The following THSD7B variants were observed in gnomAD, a reference collection of about 807,000 sequenced individuals.
THSD7B encodes the protein thrombospondin type 1 domain containing 7B.
Under a neutral mutation model 213.6 loss-of-function variants are expected in THSD7B, and 138 were observed. That is an observed-to-expected ratio of 0.65 (90% CI 0.56 to 0.74). THSD7B has a LOEUF of 0.74. Among genes scored for constraint, THSD7B ranks in the 30% least tolerant of loss-of-function variants. THSD7B has a pLI of 0.00. For missense variants in THSD7B, 1,931 were observed against 1,991.5 expected (o/e 0.97, Z 0.58); for synonymous variants, 742 against 687.0 (o/e 1.08, Z -1.25).
At chr2:136,844,492 G>GAGAC (rs1682970585) in intron 1 of THSD7B, among the ~76,000 whole-genome samples, 1 of 141,470 alleles carries the variant, frequency 7.1e-6, no homozygotes, top group Non-Finnish European at 1.5e-5. Context: ...GAGAGAGAGA[G>GAGAC]AGACAGAGAG....
intron 15 of THSD7B, among the ~76,000 whole-genome samples, chr2:137,534,616 G>A (rs1053663163): frequency 6.6e-6 from 1 of 151,590 alleles, no homozygotes; most frequent in African/African-American, 2.4e-5. Context: ...CTACAGGAAA[G>A]TTTTATGTAC....
At position 137,593,273 on chromosome 2, in the gene THSD7B, T is replaced by C. The variant is rs142342318; in HGVS notation, c.3423+20717T>C. 8.5e-5 allele frequency among the ~76,000 whole-genome samples: 13 copies of C among 152,066 alleles called. No individual in the cohort carries two copies. The East Asian group carries it at 2.5e-3, about 29-fold the overall frequency. ...TGTGAATATCTGCACCCATTTCTCT[T>C]AAGCACATATTTAGGAGTAGAATAG... On this transcript the variant is annotated intron_variant, in intron 17 of 27. Transcript: ENST00000409968.
chr2:137,015,768 T>C (rs773859612), intron 2 of THSD7B, among the ~76,000 whole-genome samples: 6 of 152,126 alleles, frequency 3.9e-5, no homozygotes, highest in African/African-American at 7.2e-5. Flanking sequence ...ATCGCCTGCT[T>C]TTCTGGCTAC....
chr2:137,448,613 C>T (rs1396240453), intron 14 of THSD7B, among the ~76,000 whole-genome samples: 1 of 152,066 alleles, frequency 6.6e-6, no homozygotes, highest in Non-Finnish European at 1.5e-5. Context: ...ATTGACACCA[C>T]GGTGAAACCC....
chr2:136,799,143 C>T (rs929873150), intron 1 of THSD7B, among the ~76,000 whole-genome samples: 5 of 151,962 alleles, frequency 3.3e-5, no homozygotes, highest in African/African-American at 9.7e-5. Flanking sequence ...TGTAACACTT[C>T]TTTGTTAGTT....
At chr2:137,356,652 G>A (rs769643730) in intron 12 of THSD7B, among the ~76,000 whole-genome samples, 3 of 152,118 alleles carry the variant, frequency 2.0e-5, no homozygotes, top group African/African-American at 4.8e-5. Context: ...CTCTTGGGAG[G>A]CTGACCCCAC....
In THSD7B at chr2:137,266,588, T is replaced by C. The variant is rs138522202; in HGVS notation, c.2267-5945T>C. Among the ~76,000 whole-genome samples the C allele has an allele frequency of 1.7e-3, 259 of 152,320 alleles. 1 individual carries two copies. The highest frequency in any genetic ancestry group is 6.1e-3 in the African/African-American group (253 of 41,572). On this transcript the variant is annotated intron_variant, in intron 10 of 27. Transcript: ENST00000409968. ...GCTGTGAAGCATAATAGACCACTGA[T>C]GTTTAATGGGTAATAGGAATATTTG...
intron 2 of THSD7B, among the ~76,000 whole-genome samples, chr2:137,011,990 G>A (rs1214592756): frequency 6.6e-6 from 1 of 151,932 alleles, no homozygotes; most frequent in African/African-American, 2.4e-5. Context: ...AAAAATACGT[G>A]GAATAAGGAC....
chr2:137,281,266 A>G (rs1267042258), intron 12 of THSD7B, among the ~76,000 whole-genome samples: 2 of 151,754 alleles, frequency 1.3e-5, no homozygotes, highest in Non-Finnish European at 2.9e-5. Context: ...CATTCAAGGA[A>G]CCCCTTTAAA....
intron 7 of THSD7B, among the ~76,000 whole-genome samples, chr2:137,210,519 C>A (rs975602358): frequency 6.6e-6 from 1 of 151,744 alleles, no homozygotes; most frequent in Non-Finnish European, 1.5e-5. Flanking sequence ...TTTTTCTTTT[C>A]TTTTCAAGTT....
At chr2:137,405,449 A>G (rs1487504424) in intron 12 of THSD7B, among the ~76,000 whole-genome samples, 164 bp from the exon 13 acceptor site, 4 of 152,194 alleles carry the variant, frequency 2.6e-5, no homozygotes, top group African/African-American at 9.7e-5. Context: ...AACAATAAAA[A>G]TTTAATTTCC....
At chr2:137,006,194 C>A (rs959016244) in intron 2 of THSD7B, among the ~76,000 whole-genome samples, 1 of 152,044 alleles carries the variant, frequency 6.6e-6, no homozygotes, top group Non-Finnish European at 1.5e-5. Context: ...GAGATTGAGA[C>A]CATCCTGGCT....
At chr2:137,017,445 G>T (rs1686362822) in intron 2 of THSD7B, among the ~76,000 whole-genome samples, 1 of 152,134 alleles carries the variant, frequency 6.6e-6, no homozygotes, top group Non-Finnish European at 1.5e-5. Flanking sequence ...CAGAGGAGAA[G>T]ATGGCTCAAG....
At chr2:136,892,767 A>C (rs1683885292) in intron 2 of THSD7B, among the ~76,000 whole-genome samples, 1 of 152,044 alleles carries the variant, frequency 6.6e-6, no homozygotes. Context: ...TTCAAGCCAC[A>C]AGCCTTGCCC....
chr2:137,657,656 C>T (rs1683262779), intron 24 of THSD7B, among the ~76,000 whole-genome samples: 1 of 152,174 alleles, frequency 6.6e-6, no homozygotes, highest in South Asian at 2.1e-4. Flanking sequence ...CATGTACTAG[C>T]AGCTTAGTTT....
chr2:136,985,171 C>T (rs1161046781), intron 2 of THSD7B, among the ~76,000 whole-genome samples: 2 of 152,156 alleles, frequency 1.3e-5, no homozygotes, highest in Non-Finnish European at 2.9e-5. Flanking sequence ...GGAATCCAAG[C>T]AGCCTATGGA....
chr2:137,370,623 C>G (rs1024227658), intron 12 of THSD7B, among the ~76,000 whole-genome samples: 6 of 152,060 alleles, frequency 3.9e-5, no homozygotes, highest in Non-Finnish European at 8.8e-5. Context: ...CATACACAAC[C>G]ATGCTTGGCT....
chr2:137,230,742 A>G (rs1681616965), intron 7 of THSD7B, among the ~76,000 whole-genome samples: 2 of 152,176 alleles, frequency 1.3e-5, no homozygotes, highest in African/African-American at 2.4e-5. Flanking sequence ...AGAAAAGCAT[A>G]TACTTGTTAT....
chr2:136,796,788 A>G (rs1434749370), intron 1 of THSD7B, among the ~76,000 whole-genome samples: 1 of 151,954 alleles, frequency 6.6e-6, no homozygotes, highest in Non-Finnish European at 1.5e-5. Context: ...TGAAGTCATG[A>G]ATTTATCTTT....
Sources: allele counts gnomAD v4.1 joint callset (sites outside exome capture counted in the v4.1 genomes callset), GRCh38; gene constraint gnomAD v4.1.1; transcripts MANE v1.5; gene names NCBI Gene and HGNC (gene_info 2026-07-23, HGNC 2026-07-21).